Variants in ADTRP observed in about 807,000 individuals in gnomAD.
The protein encoded by ADTRP is androgen dependent TFPI regulating protein, also known as androgen-dependent TFPI-regulating protein.
A neutral mutation model predicts 27.0 loss-of-function variants in ADTRP; 20 were observed. That is an observed-to-expected ratio of 0.74 (90% CI 0.52 to 1.08). The LOEUF (loss-of-function observed/expected upper bound fraction) is 1.08, where lower values mean the gene tolerates loss of function less well. Among genes scored for constraint, ADTRP ranks in the 50% least tolerant of loss-of-function variants. ADTRP has a pLI of 0.00. For missense variants in ADTRP, 251 were observed against 275.0 expected (o/e 0.91, Z 0.62); for synonymous variants, 101 against 105.2 (o/e 0.96, Z 0.25).
intron 3 of ADTRP, among the ~76,000 whole-genome samples, chr6:11,752,109 T>C (rs1322415098): frequency 1.3e-5 from 2 of 152,198 alleles, no homozygotes; most frequent in Admixed American, 6.5e-5. Flanking sequence ...TGGGAAATAA[T>C]CAATGTTTAT....
intron 3 of ADTRP, among the ~76,000 whole-genome samples, chr6:11,761,227 C>T (rs1475008835): frequency 2.0e-5 from 3 of 152,158 alleles, no homozygotes; most frequent in Admixed American, 6.5e-5. Context: ...TTTCCCTGTA[C>T]GCTATTAAAC....
chr6:11,728,039 C>T (rs1762272984), intron 4 of ADTRP, among the ~76,000 whole-genome samples: 1 of 152,008 alleles, frequency 6.6e-6, no homozygotes, highest in South Asian at 2.1e-4. Context: ...TCTATTTCAG[C>T]CAATGTCAGC....
At chr6:11,757,298 T>A (rs1346001319) in intron 3 of ADTRP, among the ~76,000 whole-genome samples, 1 of 152,214 alleles carries the variant, frequency 6.6e-6, no homozygotes, top group Non-Finnish European at 1.5e-5. Flanking sequence ...CCCAATCTTT[T>A]ACTCTCTAAT....
intron 3 of ADTRP, among the ~76,000 whole-genome samples, chr6:11,765,662 C>T (rs1417018871): frequency 6.6e-6 from 1 of 152,054 alleles, no homozygotes; most frequent in Admixed American, 6.6e-5. Flanking sequence ...CCAACCGAGA[C>T]CTGGCAACCT....
intron 5 of ADTRP, chr6:11,717,350 A>G (rs1007178291): frequency 2.8e-5 from 37 of 1,304,166 alleles, no homozygotes; most frequent in African/African-American, 1.8e-4. Context: ...GTGACTTCCA[A>G]TCGGGCCACT....
chr6:11,725,084 T>C (rs1762143624), intron 4 of ADTRP, among the ~76,000 whole-genome samples: 4 of 152,260 alleles, frequency 2.6e-5, no homozygotes, highest in African/African-American at 9.6e-5. Context: ...ATCTCTGTCA[T>C]TTCAAATACT....
At chr6:11,736,477 ACT>A (rs1011993076) in intron 3 of ADTRP, 5 of 152,356 alleles carry the variant, frequency 3.3e-5, no homozygotes, top group Non-Finnish European at 7.3e-5. Flanking sequence ...ATACTCTTGC[ACT>A]CTCACACACA....
intron 4 of ADTRP, among the ~76,000 whole-genome samples, chr6:11,727,878 A>G (rs1762261944): frequency 6.7e-6 from 1 of 150,352 alleles, no homozygotes. Context: ...GCTTGCCTGA[A>G]TATGAGGGGA....
rs549992017 is a variant in ADTRP, at chr6:11,730,907, C to T, written c.506+4661G>A. Among the ~76,000 whole-genome samples, 10 of 152,306 alleles carry T rather than the reference C, an allele frequency of 6.6e-5. No homozygotes were observed. The East Asian group carries it at 7.7e-4, about 12-fold the overall frequency. ...AGGCCAGCTGGGGTGGTTGCTGTGGCGAGTAACATTGTTAATTCTACCAAC... is the reference window on the plus strand; with the variant it reads ...AGGCCAGCTGGGGTGGTTGCTGTGGTGAGTAACATTGTTAATTCTACCAAC... On this transcript the variant is annotated intron_variant, in intron 4 of 5. Transcript: ENST00000414691.
At chr6:11,714,616 G>T (rs1219163360) in intron 5 of ADTRP, 104 bp from the exon 6 acceptor site, 13 of 1,315,910 alleles carry the variant, frequency 9.9e-6, no homozygotes, top group Non-Finnish European at 1.4e-5. Flanking sequence ...GTGGAAAGTT[G>T]AACACACTTT....
chr6:11,726,395 C>A (rs1170398690), intron 4 of ADTRP, among the ~76,000 whole-genome samples: 1 of 152,000 alleles, frequency 6.6e-6, no homozygotes, highest in Non-Finnish European at 1.5e-5. Flanking sequence ...TGGTTTGATG[C>A]TGTTCTTGTG....
chr6:11,751,604 CA>C (rs908274539), intron 3 of ADTRP, among the ~76,000 whole-genome samples: 2 of 152,126 alleles, frequency 1.3e-5, no homozygotes, highest in African/African-American at 4.8e-5. Flanking sequence ...CATTTTAGCT[CA>C]TTTTGGGGGA....
chr6:11,746,424 G>A (rs184067933), intron 3 of ADTRP, among the ~76,000 whole-genome samples: 10 of 152,208 alleles, frequency 6.6e-5, no homozygotes, highest in African/African-American at 2.4e-4. Flanking sequence ...CTTTGTGGTG[G>A]GGGGTAGGCT....
intron 5 of ADTRP, among the ~76,000 whole-genome samples, chr6:11,721,698 T>C (rs1402712413): frequency 6.6e-6 from 1 of 152,192 alleles, no homozygotes; most frequent in African/African-American, 2.4e-5. Context: ...AAAACTTGCA[T>C]GTACATGAGG....
intron 3 of ADTRP, among the ~76,000 whole-genome samples, chr6:11,762,864 G>A (rs1272493564): frequency 2.0e-5 from 3 of 152,278 alleles, no homozygotes; most frequent in Middle Eastern, 3.4e-3. Flanking sequence ...GCTCCCCTCG[G>A]GTTAGGATCT....
chr6:11,739,374 T>C (rs1280764834), intron 3 of ADTRP, among the ~76,000 whole-genome samples: 1 of 152,352 alleles, frequency 6.6e-6, no homozygotes. Flanking sequence ...TAGATTTTCC[T>C]TTAAATGTCT....
Position 11,766,322 on chromosome 6 carries a change from G to A in ADTRP, c.342C>T (p.Tyr114=), listed in dbSNP as rs1763571153. Residue 114 remains tyrosine, a synonymous_variant, in exon 3 of 6, where the codon TAC becomes TAT. Coordinates refer to ENST00000414691, the MANE Select transcript of ADTRP (RefSeq NM_032744.4). ...ILFLYNRDLI[Y]PKVLDTVIPV... ...GGATGACAGTATCTAGGACCTTGGGGTAAATGAGATCTCGATTGTAGAGAA... is the reference window on the plus strand; with the variant it reads ...GGATGACAGTATCTAGGACCTTGGGATAAATGAGATCTCGATTGTAGAGAA... 4 of 1,612,848 alleles carry A rather than the reference G, an allele frequency of 2.5e-6. No homozygotes were observed. In the African/African-American group the frequency reaches 4.0e-5, roughly 16 times the overall value.
chr6:11,749,412 T>C (rs1762970577), intron 3 of ADTRP, among the ~76,000 whole-genome samples: 1 of 152,156 alleles, frequency 6.6e-6, no homozygotes, highest in Admixed American at 6.5e-5. Flanking sequence ...AGGTAGCAGC[T>C]AGCTATGCAA....
At chr6:11,743,030 C>T (rs1390614088) in intron 3 of ADTRP, among the ~76,000 whole-genome samples, 1 of 152,222 alleles carries the variant, frequency 6.6e-6, no homozygotes, top group African/African-American at 2.4e-5. Flanking sequence ...AGAAGCCTCA[C>T]CAAGGAAACC....
Sources: allele counts gnomAD v4.1 joint callset (sites outside exome capture counted in the v4.1 genomes callset), GRCh38; gene constraint gnomAD v4.1.1; transcripts MANE v1.5; gene names NCBI Gene and HGNC (gene_info 2026-07-23, HGNC 2026-07-21).